CEBPZ: variants seen among roughly 807,000 people sequenced by gnomAD.
The protein encoded by CEBPZ is CCAAT enhancer binding protein zeta, also known as CCAAT/enhancer-binding protein zeta.
A neutral mutation model predicts 104.5 loss-of-function variants in CEBPZ; 78 were observed. The observed-to-expected ratio is 0.75, with a 90% CI of 0.62 to 0.90. CEBPZ has a LOEUF of 0.90. Among genes scored for constraint, CEBPZ ranks in the 40% least tolerant of loss-of-function variants. The pLI is 0.00. For synonymous variants in CEBPZ, 470 were observed against 427.0 expected (o/e 1.10, Z -1.24); for missense variants, 1,439 against 1,233.5 (o/e 1.17, Z -2.50).
intron 8 of CEBPZ, chr2:37,215,196 G>A (rs200614160): frequency 7.4e-5 from 14 of 189,978 alleles, no homozygotes; most frequent in Middle Eastern, 1.3e-3. Context: ...TGTCAGTGCC[G>A]TTACAGTGAA....
At chr2:37,209,530 AC>A (rs1677650326) in intron 13 of CEBPZ, 1 of 152,192 alleles carries the variant, frequency 6.6e-6, no homozygotes, top group South Asian at 2.1e-4. Flanking sequence ...GTAAACAAAA[AC>A]AAAGTGGGGA....
At chr2:37,215,688 C>G (rs1336084448) in intron 8 of CEBPZ, among the ~76,000 whole-genome samples, 2 of 152,058 alleles carry the variant, frequency 1.3e-5, no homozygotes, top group Non-Finnish European at 2.9e-5. Context: ...AGATGGCTAG[C>G]AAATATAGAA....
At position 37,226,438 on chromosome 2, in the gene CEBPZ, T is replaced by G. The variant is rs142623435; in HGVS notation, c.1649+1106A>C. 3.4e-4 allele frequency among the ~76,000 whole-genome samples: 52 copies of G among 152,324 alleles called. 1 individual carries two copies. The East Asian group carries it at 8.5e-3, about 25-fold the overall frequency. On this transcript the variant is annotated intron_variant, in intron 2 of 15. Coordinates refer to ENST00000234170, the MANE Select transcript of CEBPZ (RefSeq NM_005760.3). ...GAAAGATTACATGGGTTAACACACA[T>G]AACCTCCCAACCTTCATTAAAGCCC...
chr2:37,207,678 T>G (rs1429750082), intron 13 of CEBPZ, among the ~76,000 whole-genome samples: 1 of 152,144 alleles, frequency 6.6e-6, no homozygotes, highest in East Asian at 1.9e-4. Context: ...GTTCACAGCA[T>G]TAAATGTCTA....
Position 37,212,043 on chromosome 2 carries a change from G to GA in CEBPZ, c.2604-5dup. On this transcript the variant is annotated splice_polypyrimidine_tract_variant and splice_region_variant and intron_variant, in intron 11 of 15. Coordinates refer to ENST00000234170, the MANE Select transcript of CEBPZ (RefSeq NM_005760.3). ...TTTTGTTCTCTTTTTCACGTTTCTG[G>GA]AAAAAAACACAACTTGTAATACAAG... 5 of 1,572,768 alleles carry GA rather than the reference G, an allele frequency of 3.2e-6. No individual in the cohort carries two copies. Among genetic ancestry groups the GA allele is most frequent in the Non-Finnish European group, 4.3e-6 (5 of 1,165,424 alleles).
At position 37,201,680 on chromosome 2, in the gene CEBPZ, AT is replaced by A. The variant is rs750632398; in HGVS notation, c.*83del. The A allele has an allele frequency of 1.1e-5, 9 of 840,920 alleles. No homozygotes were observed. The South Asian group carries it at 1.2e-4, about 11-fold the overall frequency. 52.1% of individuals were successfully genotyped at this position (840,920 alleles called of 1,614,324 possible). On this transcript the variant is annotated 3_prime_UTR_variant, in exon 16 of 16. Coordinates refer to ENST00000234170, the MANE Select transcript of CEBPZ (RefSeq NM_005760.3). ...CACTGAGAAGTCTGGAATGTATGGAATCAGAGAGCTAGATCAAAAAACATGG... is the reference window on the plus strand; with the variant it reads ...CACTGAGAAGTCTGGAATGTATGGAACAGAGAGCTAGATCAAAAAACATGG...
In CEBPZ at chr2:37,228,724, GTGTGGTACTGCCATTCTCATCAGAA is replaced by G. The variant is rs1664954145; in HGVS notation, c.444_468del (p.Ser149ArgfsTer3). 6.2e-7 allele frequency: 1 copy of G among 1,613,962 alleles called. No homozygotes were observed. On this transcript the variant is annotated frameshift_variant, in exon 2 of 16. Transcript: ENST00000234170. LOFTEE classifies it high-confidence loss of function. ...TTCTGTTTATCTTTCTTTACTTTCG[GTGTGGTACTGCCATTCTCATCAGAA>G]TGTGGTTCTGGCCTATTCTTATTTT...
rs989334602 is a variant in CEBPZ at position 37,201,671 on chromosome 2, A to T, written c.*93T>A. 8.8e-6 allele frequency: 7 copies of T among 797,758 alleles called. No homozygotes were observed. The highest frequency in any genetic ancestry group is 1.5e-5 in the Non-Finnish European group (7 of 459,292). 49.4% of individuals were successfully genotyped at this position (797,758 alleles called of 1,614,324 possible). A position where few individuals can be genotyped will look rare whatever the true frequency, so the allele number is the denominator to read the frequency against. Reference sequence around the variant, plus strand: ...TTACAAATCCACTGAGAAGTCTGGAATGTATGGAATCAGAGAGCTAGATCA... The same window carrying T: ...TTACAAATCCACTGAGAAGTCTGGATTGTATGGAATCAGAGAGCTAGATCA... On this transcript the variant is annotated 3_prime_UTR_variant, in exon 16 of 16. Transcript: ENST00000234170.
intron 5 of CEBPZ, among the ~76,000 whole-genome samples, chr2:37,220,177 C>A (rs1156387949): frequency 6.6e-6 from 1 of 151,582 alleles, no homozygotes; most frequent in South Asian, 2.1e-4. Context: ...ATTAGCTGGG[C>A]GTGGTGGTGG....
chr2:37,217,160 G>C (rs1041330596), intron 5 of CEBPZ, 123 bp from the exon 6 acceptor site: 30 of 708,622 alleles, frequency 4.2e-5, no homozygotes, highest in Non-Finnish European at 7.2e-5. Context: ...CACTTTGGGA[G>C]GCTCAGGCAG....
At chr2:37,229,855 A>G (rs1468466137) in intron 1 of CEBPZ, among the ~76,000 whole-genome samples, 1 of 152,078 alleles carries the variant, frequency 6.6e-6, no homozygotes, top group East Asian at 1.9e-4. Context: ...ACGCCCAGCT[A>G]TTTAAAAAAA....
In CEBPZ at chr2:37,227,701, G is replaced by C; in HGVS notation, c.1492C>G (p.Gln498Glu). ...TGVNRAYPYS[Q>E]TGDDKVREQI... ...TCCCTTACTTTGTCATCACCAGTCT[G>C]GGAATAAGGGTATGCCCTATTCACA... The change falls in exon 2 of 16, where the codon CAG (glutamine) becomes GAG (glutamate). Residue 498 changes from glutamine to glutamate, a missense_variant. Coordinates refer to ENST00000234170, the MANE Select transcript of CEBPZ (RefSeq NM_005760.3). The C allele has an allele frequency of 1.9e-6, 3 of 1,614,140 alleles. No individual in the cohort carries two copies. Among genetic ancestry groups the C allele is most frequent in the Non-Finnish European group, 2.5e-6 (3 of 1,180,022 alleles).
chr2:37,216,694 G>C (rs1235154621), intron 6 of CEBPZ, among the ~76,000 whole-genome samples: 4 of 152,168 alleles, frequency 2.6e-5, no homozygotes, highest in Non-Finnish European at 5.9e-5. Context: ...ACCAAACCCT[G>C]AAGTGGCAAA....
chr2:37,219,240 T>C (rs1296306902), intron 5 of CEBPZ, among the ~76,000 whole-genome samples: 15 of 152,204 alleles, frequency 9.9e-5, no homozygotes, highest in Admixed American at 9.8e-4. Context: ...TAAGCACTTG[T>C]CCTTGAGACA....
At position 37,211,295 on chromosome 2, in the gene CEBPZ, A is replaced by G. The variant is rs921862807; in HGVS notation, c.2801-213T>C. 4.2e-5 allele frequency: 16 copies of G among 380,152 alleles called. No individual in the cohort carries two copies. In the South Asian group the frequency reaches 1.1e-3, roughly 26 times the overall value. The allele number at this position is 380,152 out of a possible 1,614,324, so 23.5% of individuals were successfully genotyped here. ...TTCTAATATTTTGTGCAAGTACAAA[A>G]TTTTCTAAATAGCTTCATTAATAAG... On this transcript the variant is annotated intron_variant, in intron 12 of 15. Transcript: ENST00000234170.
chr2:37,223,304 C>T lies in CEBPZ; in HGVS notation c.1747G>A (p.Val583Met), dbSNP rs781359590. 14 of 1,614,010 alleles carry T rather than the reference C, an allele frequency of 8.7e-6. No homozygotes were observed. Among genetic ancestry groups the T allele is most frequent in the Non-Finnish European group, 1.2e-5 (14 of 1,180,036 alleles). The change falls in exon 3 of 16, where the codon GTG (valine) becomes ATG (methionine). Residue 583 changes from valine to methionine, a missense_variant. Physicochemically the swap from Val to Met is conservative, Grantham distance 21 (BLOSUM62 1). Transcript: ENST00000234170. ...AGTAACCTCTTCACAAAAGCCTTCA[C>T]CCGGCGCAACACAATGTCAGCTTTC... The part of the protein sequence containing the change: ...SLKADIVLRR[V>M]KAFVKRLLQV...
chr2:37,217,774 T>C (rs1409305728), intron 5 of CEBPZ, among the ~76,000 whole-genome samples: 5 of 148,102 alleles, frequency 3.4e-5, no homozygotes, highest in East Asian at 2.0e-4. Flanking sequence ...TGGTGGCGGG[T>C]GCCTGTAGTC....
In CEBPZ at chr2:37,201,648, A is replaced by G. The variant is rs747162725; in HGVS notation, c.*116T>C. The G allele has an allele frequency of 3.0e-5, 22 of 740,462 alleles. No individual in the cohort carries two copies. The highest frequency in any genetic ancestry group is 4.6e-5 in the Non-Finnish European group (19 of 414,460). The allele number at this position is 740,462 out of a possible 1,614,324, so 45.9% of individuals were successfully genotyped here. On this transcript the variant is annotated 3_prime_UTR_variant, in exon 16 of 16. Coordinates refer to ENST00000234170, the MANE Select transcript of CEBPZ (RefSeq NM_005760.3). ...GAGCTATTTTTATTTATAGTTTATTACAAATCCACTGAGAAGTCTGGAATG... is the reference window on the plus strand; with the variant it reads ...GAGCTATTTTTATTTATAGTTTATTGCAAATCCACTGAGAAGTCTGGAATG...
At chr2:37,222,641 C>T (rs1664799963) in intron 3 of CEBPZ, 78 bp from the exon 4 acceptor site, 6 of 1,017,992 alleles carry the variant, frequency 5.9e-6, no homozygotes, top group Non-Finnish European at 8.3e-6. Flanking sequence ...TTATGTGATG[C>T]AGAGTTTTAC....
Sources: gnomAD v4.1 joint callset for allele counts (sites outside exome capture counted in the v4.1 genomes callset) on GRCh38, gnomAD v4.1.1 for gene constraint, MANE v1.5 for transcripts, NCBI Gene and HGNC (gene_info 2026-07-23, HGNC 2026-07-21) for gene names.